The following TMEM132D variants were observed in gnomAD, a reference collection of about 807,000 sequenced individuals.
TMEM132D encodes the protein mature OL transmembrane protein.
In TMEM132D, 21 loss-of-function variants were observed where a neutral mutation model predicts 62.3. The observed-to-expected ratio is 0.34, with a 90% CI of 0.24 to 0.49. The LOEUF is 0.49. TMEM132D is among the 20% of genes least tolerant of loss of function. The pLI, the probability that TMEM132D is intolerant of heterozygous loss-of-function variation, is 0.99. For synonymous variants in TMEM132D, 621 were observed against 575.6 expected, an observed-to-expected ratio of 1.08 and a Z score of -1.13; for missense variants, 1,346 against 1,402.8, an observed-to-expected ratio of 0.96 and a Z score of 0.65.
chr12:129,160,615 T>A lies in TMEM132D; in HGVS notation c.1443+48905A>T, dbSNP rs936504005. Among the ~76,000 whole-genome samples, 57 of 152,228 alleles carry A rather than the reference T, an allele frequency of 3.7e-4. 1 individual carries two copies. Among genetic ancestry groups the A allele is most frequent in the Non-Finnish European group, 2.9e-5 (2 of 68,036 alleles). The stretch of plus-strand genomic sequence containing the variant: ...TGAACCCATGTACCCAGCCATTCTA[T>A]GTAGCCCTTGACTTTTTAGTTACAA... On this transcript the variant is annotated intron_variant, in intron 5 of 8. Transcript: ENST00000422113.
intron 3 of TMEM132D, among the ~76,000 whole-genome samples, chr12:129,393,482 G>T: frequency 6.6e-6 from 1 of 152,266 alleles, no homozygotes; most frequent in East Asian, 1.9e-4. Flanking sequence ...GTGCGTTAAG[G>T]GGTTTGCTGA....
Position 129,867,457 on chromosome 12 carries a change from AG to A in TMEM132D, c.79+35803del, listed in dbSNP as rs1469390816. ...GGCTCAGCAACACTGGTGAGAGAATAGGGAGATGCTGATGAAAAAGGGAAAA... is the reference window on the plus strand; with the variant it reads ...GGCTCAGCAACACTGGTGAGAGAATAGGAGATGCTGATGAAAAAGGGAAAA... On this transcript the variant is annotated intron_variant, in intron 1 of 8. Transcript: ENST00000422113. The surrounding 1 kb of genome is among the most constrained non-coding windows in gnomAD (Gnocchi z 4.5). 6.6e-6 allele frequency among the ~76,000 whole-genome samples: 1 copy of A among 152,222 alleles called. No individual in the cohort carries two copies. The highest frequency in any genetic ancestry group is 1.9e-4 in the East Asian group (1 of 5,194).
chr12:129,094,253 A>C (rs1875025727), intron 5 of TMEM132D, among the ~76,000 whole-genome samples: 1 of 152,232 alleles, frequency 6.6e-6, no homozygotes, highest in African/African-American at 2.4e-5. Flanking sequence ...CAACCTACAG[A>C]ATGGGAGAAA....
chr12:129,198,652 T>C (rs1878609903), intron 5 of TMEM132D, among the ~76,000 whole-genome samples: 1 of 152,200 alleles, frequency 6.6e-6, no homozygotes, highest in Non-Finnish European at 1.5e-5. Context: ...ACTACAGACG[T>C]TGAGGCTTTG....
chr12:129,227,347 C>T (rs962917925), intron 4 of TMEM132D, among the ~76,000 whole-genome samples: 10 of 107,692 alleles, frequency 9.3e-5, no homozygotes, highest in Admixed American at 5.0e-4. Context: ...GGAGTTTTTC[C>T]GAAGACACTT....
Position 129,772,863 on chromosome 12 carries a change from CG to C in TMEM132D, c.80-72166del, listed in dbSNP as rs1472758692. Among the ~76,000 whole-genome samples, 9 of 152,368 alleles carry C rather than the reference CG, an allele frequency of 5.9e-5. No homozygotes were observed. In the East Asian group the frequency reaches 1.7e-3, roughly 29 times the overall value. ...CATTGCATTTAGGCAACTCCTGGCTCGGACTTCCTCCCACATCATTTATCTT... is the reference window on the plus strand; with the variant it reads ...CATTGCATTTAGGCAACTCCTGGCTCGACTTCCTCCCACATCATTTATCTT... On this transcript the variant is annotated intron_variant, in intron 1 of 8. Coordinates refer to ENST00000422113, the MANE Select transcript of TMEM132D (RefSeq NM_133448.3).
At chr12:129,634,079 G>A (rs949357273) in intron 2 of TMEM132D, among the ~76,000 whole-genome samples, 2 of 152,032 alleles carry the variant, frequency 1.3e-5, no homozygotes, top group African/African-American at 2.4e-5. Context: ...CCAAACACCC[G>A]CATCCCATCC....
Position 129,574,654 on chromosome 12 carries a change from G to A in TMEM132D, c.969-43449C>T, listed in dbSNP as rs997484307. Among the ~76,000 whole-genome samples, 11 of 151,752 alleles carry A rather than the reference G, an allele frequency of 7.2e-5. No individual in the cohort carries two copies. The East Asian group carries it at 1.9e-3, about 27-fold the overall frequency. On this transcript the variant is annotated intron_variant, in intron 2 of 8. Coordinates refer to ENST00000422113, the MANE Select transcript of TMEM132D (RefSeq NM_133448.3). The stretch of plus-strand genomic sequence containing the variant: ...GAAAGCTGAAACTCAGAGAAGAAAG[G>A]TGAGGTATCCAGGCTCACATAAGCC...
chr12:129,454,363 C>G (rs117575111), intron 3 of TMEM132D, among the ~76,000 whole-genome samples: 3,297 of 152,190 alleles, frequency 0.022, 61 homozygotes, highest in Non-Finnish European at 0.033. Flanking sequence ...ATGTGGGAAC[C>G]AAAGCCAACA....
intron 3 of TMEM132D, among the ~76,000 whole-genome samples, chr12:129,438,244 TG>T (rs1304273742): frequency 2.0e-5 from 3 of 152,216 alleles, no homozygotes; most frequent in Admixed American, 1.3e-4. Context: ...TATCATCCTT[TG>T]GGTATATACC....
At chr12:129,282,473 T>C (rs190585555) in intron 4 of TMEM132D, among the ~76,000 whole-genome samples, 74 of 152,302 alleles carry the variant, frequency 4.9e-4, no homozygotes, top group African/African-American at 1.6e-3. Context: ...GGCACAGATC[T>C]GAGGTCCAGA....
intron 1 of TMEM132D, among the ~76,000 whole-genome samples, chr12:129,824,215 T>C (rs1052698550): frequency 6.6e-6 from 1 of 152,218 alleles, no homozygotes. Flanking sequence ...GCAGTTTTAA[T>C]CTTCTTCCAG....
intron 3 of TMEM132D, among the ~76,000 whole-genome samples, chr12:129,364,853 G>A (rs73422297): frequency 0.14 from 22,059 of 152,164 alleles, 2,374 homozygotes; most frequent in African/African-American, 0.29. Flanking sequence ...GGGAAAAACA[G>A]TCTCACCTAG....
At chr12:129,560,171 G>T (rs1224874927) in intron 2 of TMEM132D, among the ~76,000 whole-genome samples, 1 of 152,120 alleles carries the variant, frequency 6.6e-6, no homozygotes, top group East Asian at 1.9e-4. Flanking sequence ...ACATCCAGGG[G>T]TCTTAATGTA....
intron 2 of TMEM132D, among the ~76,000 whole-genome samples, chr12:129,545,579 A>G (rs1876710136): frequency 6.6e-6 from 1 of 152,182 alleles, no homozygotes; most frequent in African/African-American, 2.4e-5. Context: ...TGCGTCTTGC[A>G]TAACTGAGAC....
chr12:129,820,530 G>A (rs1169484679), intron 1 of TMEM132D, among the ~76,000 whole-genome samples: 1 of 152,142 alleles, frequency 6.6e-6, no homozygotes, highest in African/African-American at 2.4e-5. Context: ...TGAGTGGAGT[G>A]TTCCTAATCA....
Position 129,470,366 on chromosome 12 carries a change from G to A in TMEM132D, c.1115+60693C>T, listed in dbSNP as rs11060363. Among the ~76,000 whole-genome samples the A allele has an allele frequency of 1.5e-3, 222 of 152,260 alleles. 2 individuals carry two copies. The East Asian group carries it at 0.033, about 23-fold the overall frequency. The stretch of plus-strand genomic sequence containing the variant: ...GTGGTCAGTTATGTTAGGCAACTGA[G>A]GAGACTGCCAACACGTGTAGTGTAG... On this transcript the variant is annotated intron_variant, in intron 3 of 8. Transcript: ENST00000422113.
intron 2 of TMEM132D, among the ~76,000 whole-genome samples, chr12:129,621,550 A>T (rs1404809277): frequency 1.3e-5 from 2 of 152,108 alleles, no homozygotes; most frequent in South Asian, 2.1e-4. Flanking sequence ...TGAATGTTTG[A>T]TATTAACATT....
At position 129,446,212 on chromosome 12, in the gene TMEM132D, C is replaced by A. The variant is rs117632421; in HGVS notation, c.1115+84847G>T. On this transcript the variant is annotated intron_variant, in intron 3 of 8. Transcript: ENST00000422113. The stretch of plus-strand genomic sequence containing the variant: ...ACTGGGTGGTCACAAAGCCACTCAC[C>A]CATGGTATGCTGAGTCCTTGAGGGC... Among the ~76,000 whole-genome samples the A allele has an allele frequency of 1.2e-3, 177 of 152,150 alleles. 4 individuals carry two copies. The East Asian group carries it at 0.029, about 25-fold the overall frequency.
Sources: allele counts gnomAD v4.1 joint callset (sites outside exome capture counted in the v4.1 genomes callset), GRCh38; gene constraint gnomAD v4.1.1; non-coding constraint Gnocchi (gnomAD v3.1); transcripts MANE v1.5; gene names NCBI Gene and HGNC (gene_info 2026-07-23, HGNC 2026-07-21).